GAREM1: variants seen among roughly 807,000 people sequenced by gnomAD.
The protein encoded by GAREM1 is GRB2-associated and regulator of MAPK protein 1.
Under a neutral mutation model 71.3 loss-of-function variants are expected in GAREM1, and 26 were observed. The ratio of observed to expected loss-of-function variants is 0.36; its 90% CI spans 0.27 to 0.51. The LOEUF (loss-of-function observed/expected upper bound fraction) is 0.51, where lower values mean the gene tolerates loss of function less well. Among genes scored for constraint, GAREM1 ranks in the 20% least tolerant of loss-of-function variants. The probability of loss-of-function intolerance (pLI) is 0.95; values close to 1 mark genes in which losing one functional copy is unlikely to be tolerated. For missense variants in GAREM1, 1,026 were observed against 1,103.1 expected (o/e 0.93, Z 0.99); for synonymous variants, 440 against 433.2 (o/e 1.02, Z -0.20).
chr18:32,445,542 CTT>C (rs1250102136), intron 1 of GAREM1, among the ~76,000 whole-genome samples: 4 of 152,034 alleles, frequency 2.6e-5, no homozygotes, highest in Non-Finnish European at 1.5e-5. Context: ...CATCAATAGT[CTT>C]GTCAAAACTA....
intron 1 of GAREM1, among the ~76,000 whole-genome samples, chr18:32,424,546 T>C (rs1288454525): frequency 6.6e-6 from 1 of 152,080 alleles, no homozygotes; most frequent in African/African-American, 2.4e-5. Flanking sequence ...TTTACCAGGG[T>C]CTGATACATT....
chr18:32,359,507 T>A (rs1409332653), intron 2 of GAREM1, among the ~76,000 whole-genome samples: 2 of 152,208 alleles, frequency 1.3e-5, no homozygotes, highest in Non-Finnish European at 2.9e-5. Context: ...TCCTTTCCTG[T>A]GCAATGCCCC....
intron 3 of GAREM1, among the ~76,000 whole-genome samples, chr18:32,290,989 T>C (rs2047077828): frequency 1.3e-5 from 2 of 152,190 alleles, no homozygotes; most frequent in Non-Finnish European, 2.9e-5. Context: ...TCTAGGAATT[T>C]ACCCTGAAGA....
Position 32,288,104 on chromosome 18 carries a change from C to T in GAREM1, c.493G>A (p.Ala165Thr). 1.9e-6 allele frequency: 3 copies of T among 1,614,110 alleles called. No homozygotes were observed. The highest frequency in any genetic ancestry group is 8.5e-7 in the Non-Finnish European group (1 of 1,179,990). Residue 165 changes from alanine to threonine, a missense_variant, in exon 4 of 6, where the codon GCA (alanine) becomes ACA (threonine). By Grantham distance (58) the Ala-to-Thr change is moderately conservative. Around this residue, in one of 3 missense-constraint regions of GAREM1, gnomAD observed 218 missense variants for 296.8 expected, o/e 0.73. Transcript: ENST00000269209. The part of the protein sequence containing the change: ...TLMGQAEILY[A>T]KTFKEKSRLN... ...CGTGACTTTTCCTTGAATGTCTTTG[C>T]ATAAAGGATTTCTGCCTGCCCCATT...
rs1210630457 is a variant in GAREM1 at position 32,267,463 on chromosome 18, G to A, written c.*408C>T. 6.5e-6 allele frequency: 1 copy of A among 154,588 alleles called. No individual in the cohort carries two copies. Among genetic ancestry groups the A allele is most frequent in the Non-Finnish European group, 1.4e-5 (1 of 71,064 alleles). 9.6% of individuals were successfully genotyped at this position (154,588 alleles called of 1,614,324 possible). ...CACAGAACACAGTTAATTGTCTAAA[G>A]TCAACCCTCCTGAAAGAAGGGACTT... is the stretch of plus-strand genomic sequence containing the variant. On this transcript the variant is annotated 3_prime_UTR_variant, in exon 6 of 6. Coordinates refer to ENST00000269209, the MANE Select transcript of GAREM1 (RefSeq NM_001242409.2).
intron 2 of GAREM1, among the ~76,000 whole-genome samples, chr18:32,314,814 C>T (rs1567961165): frequency 6.6e-6 from 1 of 151,916 alleles, no homozygotes; most frequent in Non-Finnish European, 1.5e-5. Flanking sequence ...GTCTCAAACT[C>T]CTGACCTCGT....
At chr18:32,424,148 G>GAA (rs1012994907) in intron 1 of GAREM1, among the ~76,000 whole-genome samples, 1 of 136,182 alleles carries the variant, frequency 7.3e-6, no homozygotes, top group South Asian at 2.3e-4. Context: ...CCACCAGCCA[G>GAA]AAAAAAAAAA....
intron 4 of GAREM1, among the ~76,000 whole-genome samples, chr18:32,274,229 C>T (rs942526069): frequency 6.6e-6 from 1 of 152,112 alleles, no homozygotes; most frequent in African/African-American, 2.4e-5. Context: ...AGAGTGAGGG[C>T]TTATTGTACC....
In GAREM1 at chr18:32,380,474, TAAAAAAA is replaced by T. The variant is rs35881689; in HGVS notation, c.262+12414_262+12420del. Among the ~76,000 whole-genome samples the T allele has an allele frequency of 1.2e-3, 109 of 92,444 alleles. 1 individual carries two copies. The highest frequency in any genetic ancestry group is 6.8e-3 in the Middle Eastern group (1 of 146). 60.6% of individuals were successfully genotyped at this position (92,444 alleles called of 152,430 possible). On this transcript the variant is annotated intron_variant, in intron 2 of 5. Transcript: ENST00000269209. ...CTGGGCGACAGAGTGAGACTTCATT[TAAAAAAA>T]AAAAAAAAAAAAAAAAAGCAAGAAA...
At chr18:32,333,716 TACA>T (rs1436835003) in intron 2 of GAREM1, among the ~76,000 whole-genome samples, 1 of 152,186 alleles carries the variant, frequency 6.6e-6, no homozygotes, top group Admixed American at 6.5e-5. Context: ...TCTCATCCTC[TACA>T]ACATTAGCTG....
chr18:32,420,487 C>T (rs1237430487), intron 1 of GAREM1, among the ~76,000 whole-genome samples: 1 of 152,114 alleles, frequency 6.6e-6, no homozygotes, highest in East Asian at 1.9e-4. Flanking sequence ...GCACTGACTC[C>T]CCCACTTTAT....
In GAREM1 at chr18:32,352,178, CATTT is replaced by C. The variant is rs1375797973; in HGVS notation, c.262+40713_262+40716del. ...ACAAACATATGGTATTCCAAAAGTT[CATTT>C]ATTAGTCAGTTCTGCAAAATTTTAA... On this transcript the variant is annotated intron_variant, in intron 2 of 5. Transcript: ENST00000269209. 2.0e-5 allele frequency among the ~76,000 whole-genome samples: 3 copies of C among 152,212 alleles called. No individual in the cohort carries two copies. The East Asian group carries it at 5.8e-4, about 29-fold the overall frequency.
At chr18:32,360,732 G>A (rs2047857634) in intron 2 of GAREM1, among the ~76,000 whole-genome samples, 1 of 152,090 alleles carries the variant, frequency 6.6e-6, no homozygotes, top group Admixed American at 6.6e-5. Flanking sequence ...GTTGAAAACT[G>A]ATTAAATTAG....
intron 1 of GAREM1, among the ~76,000 whole-genome samples, chr18:32,399,505 A>G (rs1375018790): frequency 2.0e-5 from 3 of 152,226 alleles, no homozygotes; most frequent in African/African-American, 7.2e-5. Flanking sequence ...TGCAAAAATC[A>G]CAAGCATTCT....
intron 4 of GAREM1, among the ~76,000 whole-genome samples, chr18:32,277,006 T>C (rs1001521324): frequency 6.6e-6 from 1 of 152,032 alleles, no homozygotes; most frequent in Non-Finnish European, 1.5e-5. Flanking sequence ...AGTGCAAAGA[T>C]GGAGAGATGT....
rs76712089 is a variant in GAREM1, at chr18:32,265,780, C to T, written c.*2091G>A. 9 of 152,228 alleles carry T rather than the reference C, an allele frequency of 5.9e-5. No individual in the cohort carries two copies. Among genetic ancestry groups the T allele is most frequent in the African/African-American group, 2.2e-4 (9 of 41,452 alleles). The allele number at this position is 152,228 out of a possible 1,614,324, so 9.4% of individuals were successfully genotyped here. ...TAAACCCAAACCAACCCTGTTCCTT[C>T]TTCCTGAGTTTGAGAATTGTGTCCG... On this transcript the variant is annotated 3_prime_UTR_variant, in exon 6 of 6. Transcript: ENST00000269209.
intron 3 of GAREM1, among the ~76,000 whole-genome samples, chr18:32,302,064 A>C (rs1370140814): frequency 2.6e-5 from 4 of 152,202 alleles, no homozygotes; most frequent in Non-Finnish European, 5.9e-5. Context: ...TAAACTATAC[A>C]AGCTATTGTG....
At chr18:32,366,351 C>T (rs920723533) in intron 2 of GAREM1, among the ~76,000 whole-genome samples, 1 of 152,146 alleles carries the variant, frequency 6.6e-6, no homozygotes, top group Non-Finnish European at 1.5e-5. Context: ...TTATGATTTC[C>T]TTGTGACCCA....
chr18:32,314,619 C>T (rs2047358100), intron 2 of GAREM1, among the ~76,000 whole-genome samples: 1 of 150,490 alleles, frequency 6.6e-6, no homozygotes, highest in Non-Finnish European at 1.5e-5. Context: ...GACGGAGTCT[C>T]GCTCTGTCTC....
Sources: gnomAD v4.1 joint callset for allele counts (sites outside exome capture counted in the v4.1 genomes callset) on GRCh38, gnomAD v4.1.1 for gene constraint, gnomAD v4.1.1 regional missense constraint, MANE v1.5 for transcripts, NCBI Gene and HGNC (gene_info 2026-07-23, HGNC 2026-07-21) for gene names.